PAPPA2: variants seen among roughly 807,000 people sequenced by gnomAD.
PAPPA2 encodes pappalysin 2.
A neutral mutation model predicts 176.4 loss-of-function variants in PAPPA2; 86 were observed. The ratio of observed to expected loss-of-function variants is 0.49; its 90% CI spans 0.41 to 0.58. The LOEUF (loss-of-function observed/expected upper bound fraction) is 0.58, where lower values mean the gene tolerates loss of function less well. PAPPA2 is among the 20% of genes least tolerant of loss of function. The pLI, the probability that PAPPA2 is intolerant of heterozygous loss-of-function variation, is 0.00. For synonymous variants in PAPPA2, 809 were observed against 852.2 expected, an observed-to-expected ratio of 0.95 and a Z score of 0.88; for missense variants, 2,073 against 2,256.9, an observed-to-expected ratio of 0.92 and a Z score of 1.65.
At chr1:176,666,163 A>G (rs1045924138) in intron 3 of PAPPA2, among the ~76,000 whole-genome samples, 4 of 152,202 alleles carry the variant, frequency 2.6e-5, no homozygotes, top group African/African-American at 9.6e-5. Context: ...GTTGGTCTCT[A>G]AAGCAGGAGG....
chr1:176,479,261 C>T (rs1019967433), intron 1 of PAPPA2, among the ~76,000 whole-genome samples: 3 of 152,086 alleles, frequency 2.0e-5, no homozygotes, highest in African/African-American at 4.8e-5. Context: ...AAGGCAGCAG[C>T]GTTAGAACCA....
intron 2 of PAPPA2, among the ~76,000 whole-genome samples, chr1:176,583,842 C>G (rs1206886783): frequency 1.3e-5 from 2 of 152,076 alleles, no homozygotes; most frequent in Non-Finnish European, 2.9e-5. Context: ...ACTGCTCAAG[C>G]CCAAGAGTTT....
chr1:176,734,286 T>G (rs1662295297), intron 12 of PAPPA2, among the ~76,000 whole-genome samples: 1 of 152,066 alleles, frequency 6.6e-6, no homozygotes, highest in Non-Finnish European at 1.5e-5. Flanking sequence ...CCCCCTTCCA[T>G]GGACTTGACA....
At chr1:176,515,295 G>T (rs915219004) in intron 1 of PAPPA2, among the ~76,000 whole-genome samples, 1 of 152,142 alleles carries the variant, frequency 6.6e-6, no homozygotes, top group Non-Finnish European at 1.5e-5. Flanking sequence ...AACGGGAATG[G>T]CTTCCCATAA....
At chr1:176,833,726 A>C (rs988927021) in intron 21 of PAPPA2, among the ~76,000 whole-genome samples, 1 of 152,178 alleles carries the variant, frequency 6.6e-6, no homozygotes, top group Non-Finnish European at 1.5e-5. Flanking sequence ...CGTAAGTATG[A>C]TACACCTCCA....
At chr1:176,838,775 C>T (rs1667371977) in intron 21 of PAPPA2, among the ~76,000 whole-genome samples, 1 of 152,214 alleles carries the variant, frequency 6.6e-6, no homozygotes, top group African/African-American at 2.4e-5. Flanking sequence ...ATTTTCACTT[C>T]TTGCTCACAA....
intron 1 of PAPPA2, among the ~76,000 whole-genome samples, chr1:176,525,339 AT>A (rs1649442910): frequency 6.6e-6 from 1 of 152,170 alleles, no homozygotes; most frequent in African/African-American, 2.4e-5. Flanking sequence ...TATACTCACA[AT>A]TGGTGCATTT....
intron 4 of PAPPA2, among the ~76,000 whole-genome samples, chr1:176,681,754 A>G (rs1275064385): frequency 2.0e-5 from 3 of 152,174 alleles, no homozygotes; most frequent in Non-Finnish European, 2.9e-5. Flanking sequence ...TTAAAAGGGA[A>G]AGAAATGTGT....
intron 21 of PAPPA2, among the ~76,000 whole-genome samples, chr1:176,803,340 T>C (rs552503740): frequency 6.6e-6 from 1 of 152,298 alleles, no homozygotes; most frequent in Non-Finnish European, 1.5e-5. Context: ...ATTTAAGCTA[T>C]TAGCCACTTC....
chr1:176,557,276 A>C, intron 2 of PAPPA2, 35 bp downstream of exon 2: 1 of 1,527,096 alleles, frequency 6.5e-7, no homozygotes. Flanking sequence ...TGAAATCCTG[A>C]GGGTATGGCT....
chr1:176,671,703 C>T (rs1215078115), intron 4 of PAPPA2, among the ~76,000 whole-genome samples: 4 of 151,992 alleles, frequency 2.6e-5, no homozygotes, highest in Admixed American at 6.6e-5. Flanking sequence ...AAGTGTGGCA[C>T]ATATACACCA....
chr1:176,772,720 C>A (rs756666494), intron 17 of PAPPA2, among the ~76,000 whole-genome samples: 32 of 152,246 alleles, frequency 2.1e-4, no homozygotes, highest in Non-Finnish European at 4.1e-4. Context: ...CAACCAAGAG[C>A]ACATTTGCAT....
At chr1:176,707,750 C>T (rs1336162066) in intron 10 of PAPPA2, among the ~76,000 whole-genome samples, 2 of 152,182 alleles carry the variant, frequency 1.3e-5, no homozygotes, top group Admixed American at 1.3e-4. Context: ...ACTCAGCTTT[C>T]CTCATGCTTA....
intron 12 of PAPPA2, among the ~76,000 whole-genome samples, chr1:176,739,144 T>C (rs1662553131): frequency 6.6e-6 from 1 of 152,106 alleles, no homozygotes; most frequent in South Asian, 2.1e-4. Context: ...GATAAAAATT[T>C]TGGGGAGAGA....
chr1:176,568,471 G>A (rs1486829038), intron 2 of PAPPA2, among the ~76,000 whole-genome samples: 1 of 152,202 alleles, frequency 6.6e-6, no homozygotes, highest in Non-Finnish European at 1.5e-5. Flanking sequence ...GCTGGTGCAG[G>A]CAGAGCCAAG....
At chr1:176,490,876 T>G (rs1232104788) in intron 1 of PAPPA2, among the ~76,000 whole-genome samples, 4 of 152,086 alleles carry the variant, frequency 2.6e-5, no homozygotes, top group Non-Finnish European at 1.5e-5. Context: ...AAATAAGGCT[T>G]TGTTTTGGTT....
intron 3 of PAPPA2, among the ~76,000 whole-genome samples, chr1:176,600,860 T>TG (rs770632347): frequency 1.3e-5 from 2 of 152,042 alleles, no homozygotes; most frequent in African/African-American, 4.8e-5. Context: ...TAGTAGAAAG[T>TG]GGGGGACAGA....
intron 3 of PAPPA2, among the ~76,000 whole-genome samples, chr1:176,618,560 A>G (rs1328404957): frequency 1.3e-5 from 2 of 152,212 alleles, no homozygotes; most frequent in Non-Finnish European, 2.9e-5. Context: ...AACATGAGAA[A>G]AATTGTACTG....
In PAPPA2 at chr1:176,766,698, C is replaced by T. The variant is rs151038342; in HGVS notation, c.4323+861C>T. 8.0e-4 allele frequency among the ~76,000 whole-genome samples: 121 copies of T among 152,160 alleles called. No homozygotes were observed. In the East Asian group the frequency reaches 0.023, roughly 29 times the overall value. Reference sequence around the variant, plus strand: ...ATTCTCAACTAAGAATTCTGTTTTCCATCTTGCCTTTAGAGAGTCTTCAAT... The same window carrying T: ...ATTCTCAACTAAGAATTCTGTTTTCTATCTTGCCTTTAGAGAGTCTTCAAT... On this transcript the variant is annotated intron_variant, in intron 15 of 22. Coordinates refer to ENST00000367662, the MANE Select transcript of PAPPA2 (RefSeq NM_020318.3).
Sources: allele counts gnomAD v4.1 joint callset (sites outside exome capture counted in the v4.1 genomes callset), GRCh38; gene constraint gnomAD v4.1.1; transcripts MANE v1.5; gene names NCBI Gene and HGNC (gene_info 2026-07-23, HGNC 2026-07-21).